The following WDR49 variants were observed in gnomAD, a reference collection of about 807,000 sequenced individuals.
WDR49 encodes WD repeat domain 49.
Under a neutral mutation model 119.5 loss-of-function variants are expected in WDR49, and 107 were observed. That is an observed-to-expected ratio of 0.90 (90% confidence interval 0.77 to 1.05). WDR49 has a LOEUF of 1.05. Among genes scored for constraint, WDR49 ranks in the 50% least tolerant of loss-of-function variants. The probability of loss-of-function intolerance (pLI) is 0.00; values close to 1 mark genes in which losing one functional copy is unlikely to be tolerated. For missense variants in WDR49, 1,240 were observed against 1,220.5 expected (o/e 1.02, Z -0.24); for synonymous variants, 425 against 418.8 (o/e 1.01, Z -0.18).
chr3:167,598,699 CT>C (rs1409427025), intron 7 of WDR49, among the ~76,000 whole-genome samples: 1 of 152,158 alleles, frequency 6.6e-6, no homozygotes, highest in South Asian at 2.1e-4. Context: ...TCTCATAGTT[CT>C]TTGTAGCAGT....
At chr3:167,650,512 C>A (rs1718325136) in intron 2 of WDR49, among the ~76,000 whole-genome samples, 1 of 152,100 alleles carries the variant, frequency 6.6e-6, no homozygotes, top group African/African-American at 2.4e-5. Context: ...AGAAAAGAAT[C>A]AAGACGTCAA....
chr3:167,613,023 A>G (rs950152049), intron 5 of WDR49, among the ~76,000 whole-genome samples: 22 of 152,200 alleles, frequency 1.4e-4, no homozygotes, highest in Non-Finnish European at 3.2e-4. Context: ...ATGTAATTGT[A>G]TATTTTAAAA....
At chr3:167,553,707 A>G (rs1712717692) in intron 10 of WDR49, among the ~76,000 whole-genome samples, 1 of 152,104 alleles carries the variant, frequency 6.6e-6, no homozygotes, top group South Asian at 2.1e-4. Flanking sequence ...ATCCTTTCAG[A>G]GATGTGAAGT....
chr3:167,612,559 A>G (rs932690771), intron 5 of WDR49, among the ~76,000 whole-genome samples: 7 of 152,124 alleles, frequency 4.6e-5, no homozygotes, highest in Non-Finnish European at 8.8e-5. Flanking sequence ...AGTTAAAAGG[A>G]CAAAGCTTTA....
In WDR49 at chr3:167,540,952, A is replaced by C. The variant is rs187944756; in HGVS notation, c.1824-3952T>G. On this transcript the variant is annotated intron_variant, in intron 10 of 18. Transcript: ENST00000682715. Reference sequence around the variant, plus strand: ...TAGAATCAAACAAGTAGAAGAAAGAACTTCAGAGCTCAAAGACAAGGATTT... The same window carrying C: ...TAGAATCAAACAAGTAGAAGAAAGACCTTCAGAGCTCAAAGACAAGGATTT... Among the ~76,000 whole-genome samples the C allele has an allele frequency of 2.1e-3, 320 of 152,202 alleles. 2 individuals carry two copies. The highest frequency in any genetic ancestry group is 7.6e-3 in the African/African-American group (315 of 41,576).
At chr3:167,518,731 T>G (rs932835805) in intron 16 of WDR49, among the ~76,000 whole-genome samples, 2 of 151,428 alleles carry the variant, frequency 1.3e-5, no homozygotes, top group Non-Finnish European at 2.9e-5. Context: ...AGAAGCTCTT[T>G]AGTTTAATTA....
chr3:167,527,773 C>T (rs770698742), intron 15 of WDR49, 47 bp downstream of exon 15: 9 of 1,558,114 alleles, frequency 5.8e-6, no homozygotes, highest in African/African-American at 5.5e-5. Context: ...CAAGTTAATA[C>T]TAAATGTCAA....
chr3:167,498,120 A>G (rs1445603710), intron 18 of WDR49, among the ~76,000 whole-genome samples: 1 of 152,078 alleles, frequency 6.6e-6, no homozygotes, highest in Non-Finnish European at 1.5e-5. Context: ...GATTACGGGC[A>G]TGAGCCACCG....
intron 16 of WDR49, among the ~76,000 whole-genome samples, chr3:167,510,167 G>A (rs1340046540): frequency 2.0e-5 from 3 of 152,132 alleles, no homozygotes; most frequent in Non-Finnish European, 2.9e-5. Context: ...GGCAGATCAC[G>A]AGGTCAGGAG....
Position 167,621,730 on chromosome 3 carries a change from C to T in WDR49, c.607-87G>A, listed in dbSNP as rs1043703896. The T allele has an allele frequency of 5.6e-6, 7 of 1,244,290 alleles. No individual in the cohort carries two copies. In the African/African-American group the frequency reaches 9.1e-5, roughly 16 times the overall value. 77.1% of individuals were successfully genotyped at this position (1,244,290 alleles called of 1,614,324 possible). ...AAAGCAGACACGCCACTCTAATTGC[C>T]AAATCAGACTTTGTTCTCTGAGGAT... On this transcript the variant is annotated intron_variant, in intron 3 of 18. Transcript: ENST00000682715.
chr3:167,532,277 AAATT>A (rs1455478525), intron 12 of WDR49, among the ~76,000 whole-genome samples: 1 of 152,184 alleles, frequency 6.6e-6, no homozygotes, highest in East Asian at 1.9e-4. Context: ...TTACCAAAAT[AAATT>A]AGTCTAAAGA....
intron 16 of WDR49, among the ~76,000 whole-genome samples, chr3:167,519,058 A>G (rs546227304): frequency 1.3e-5 from 2 of 152,266 alleles, no homozygotes; most frequent in South Asian, 2.1e-4. Flanking sequence ...AGAAATGCAA[A>G]TCAAAACCAC....
At chr3:167,634,401 G>A (rs1436665206) in intron 2 of WDR49, among the ~76,000 whole-genome samples, 3 of 151,950 alleles carry the variant, frequency 2.0e-5, no homozygotes, top group East Asian at 1.9e-4. Context: ...GAGCCAGAAA[G>A]CTAATATACT....
At chr3:167,583,756 G>A (rs1289698975) in intron 7 of WDR49, among the ~76,000 whole-genome samples, 1 of 152,160 alleles carries the variant, frequency 6.6e-6, no homozygotes, top group Non-Finnish European at 1.5e-5. Flanking sequence ...GGACAACTGA[G>A]ATGCAGAATG....
At chr3:167,657,571 T>C (rs1046192578), upstream of WDR49, among the ~76,000 whole-genome samples, 1 of 141,376 alleles carries the variant, frequency 7.1e-6, no homozygotes, top group East Asian at 2.3e-4. Context: ...CATATAGATC[T>C]CCCTTTTCCT....
intron 16 of WDR49, among the ~76,000 whole-genome samples, chr3:167,517,841 G>A (rs895283900): frequency 3.3e-5 from 5 of 151,198 alleles, no homozygotes; most frequent in East Asian, 2.0e-4. Flanking sequence ...CCATTAACTC[G>A]TCATCTAGCA....
chr3:167,640,491 T>C (rs760494428), intron 2 of WDR49, among the ~76,000 whole-genome samples: 58 of 151,960 alleles, frequency 3.8e-4, no homozygotes, highest in Admixed American at 1.8e-3. Context: ...GCAGTTCCAC[T>C]GAAGCTGCTC....
chr3:167,489,948 A>T (rs2108197623), intron 18 of WDR49, among the ~76,000 whole-genome samples: 1 of 152,278 alleles, frequency 6.6e-6, no homozygotes, highest in Middle Eastern at 3.4e-3. Context: ...TCATTAAAAT[A>T]CAAATTCCCA....
chr3:167,634,492 A>C (rs1717527267), intron 2 of WDR49, among the ~76,000 whole-genome samples: 1 of 151,962 alleles, frequency 6.6e-6, no homozygotes, highest in Admixed American at 6.6e-5. Flanking sequence ...TTCTTTTCAA[A>C]GAATATTCTG....
Sources: allele counts gnomAD v4.1 joint callset (sites outside exome capture counted in the v4.1 genomes callset), GRCh38; gene constraint gnomAD v4.1.1; transcripts MANE v1.5; gene names NCBI Gene and HGNC (gene_info 2026-07-23, HGNC 2026-07-21).